The following PPP2R5E variants were observed in gnomAD, a reference collection of about 807,000 sequenced individuals.
The protein encoded by PPP2R5E is protein phosphatase 2 regulatory subunit B'epsilon.
A neutral mutation model predicts 65.3 loss-of-function variants in PPP2R5E; 4 were observed. The observed-to-expected ratio is 0.06, with a 90% CI of 0.03 to 0.14. PPP2R5E has a LOEUF of 0.14. Among genes scored for constraint, PPP2R5E ranks in the 10% least tolerant of loss-of-function variants. PPP2R5E has a pLI of 1.00. For missense variants in PPP2R5E, 274 were observed against 556.1 expected, an observed-to-expected ratio of 0.49 and a Z score of 5.10; for synonymous variants, 183 against 187.4, an observed-to-expected ratio of 0.98 and a Z score of 0.19.
chr14:63,438,873 G>A (rs1888066428), intron 3 of PPP2R5E, among the ~76,000 whole-genome samples: 1 of 151,982 alleles, frequency 6.6e-6, no homozygotes, highest in South Asian at 2.1e-4. Flanking sequence ...TAGAGTTGGG[G>A]ACGTGAATAT....
At chr14:63,511,773 A>G (rs1163383337) in intron 2 of PPP2R5E, among the ~76,000 whole-genome samples, 1 of 152,118 alleles carries the variant, frequency 6.6e-6, no homozygotes, top group Admixed American at 6.6e-5. Flanking sequence ...TCTCTGTGCA[A>G]AAAATTACCA....
At chr14:63,423,818 C>T (rs2144967) in intron 3 of PPP2R5E, among the ~76,000 whole-genome samples, 24,210 of 152,184 alleles carry the variant, frequency 0.16, 2,883 homozygotes, top group African/African-American at 0.34. Context: ...CAGATAAAAA[C>T]CCATGCCCTC....
chr14:63,519,508 T>A (rs1892800329), intron 2 of PPP2R5E, among the ~76,000 whole-genome samples: 1 of 53,782 alleles, frequency 1.9e-5, no homozygotes, highest in Non-Finnish European at 3.1e-5. Context: ...GCCCAGCTAA[T>A]TTTTTTTTTT....
intron 2 of PPP2R5E, among the ~76,000 whole-genome samples, chr14:63,497,609 A>G (rs1031692235): frequency 3.9e-5 from 6 of 152,102 alleles, no homozygotes; most frequent in African/African-American, 1.4e-4. Context: ...TTAGCCGGAC[A>G]TGGTGGCACA....
intron 2 of PPP2R5E, among the ~76,000 whole-genome samples, chr14:63,501,439 T>C (rs892910952): frequency 5.3e-5 from 8 of 150,908 alleles, no homozygotes; most frequent in Non-Finnish European, 1.0e-4. Context: ...TAATAAGATA[T>C]AATGATGGTG....
At chr14:63,422,185 T>C in intron 3 of PPP2R5E, 91 bp from the exon 4 acceptor site, 1 of 1,003,938 alleles carries the variant, frequency 1.0e-6, no homozygotes, top group Non-Finnish European at 1.6e-6. Flanking sequence ...GGAACCCAGA[T>C]AACAATGCAC....
chr14:63,396,405 G>C (rs1314324958), intron 6 of PPP2R5E, among the ~76,000 whole-genome samples, 181 bp downstream of exon 6: 1 of 120,434 alleles, frequency 8.3e-6, no homozygotes, highest in Non-Finnish European at 1.8e-5. Flanking sequence ...AGGAGAAGAT[G>C]GGGGAGGAGA....
chr14:63,380,176 T>C (rs1884259292), intron 13 of PPP2R5E, among the ~76,000 whole-genome samples: 1 of 152,114 alleles, frequency 6.6e-6, no homozygotes, highest in South Asian at 2.1e-4. Context: ...GATTTAATCC[T>C]GGTTCAACTA....
At chr14:63,465,609 C>T (rs1161191067) in intron 2 of PPP2R5E, among the ~76,000 whole-genome samples, 1 of 152,026 alleles carries the variant, frequency 6.6e-6, no homozygotes, top group Non-Finnish European at 1.5e-5. Flanking sequence ...CTCGGTGACA[C>T]GGTAAGACCC....
intron 5 of PPP2R5E, among the ~76,000 whole-genome samples, chr14:63,407,018 G>A (rs1366343097): frequency 6.6e-6 from 1 of 152,170 alleles, no homozygotes; most frequent in Non-Finnish European, 1.5e-5. Flanking sequence ...AAAAATATTA[G>A]TGACACCACC....
intron 2 of PPP2R5E, among the ~76,000 whole-genome samples, chr14:63,503,252 C>T (rs1485599987): frequency 6.6e-6 from 1 of 152,032 alleles, no homozygotes; most frequent in Non-Finnish European, 1.5e-5. Context: ...TCCTCTTGAG[C>T]TGAGCCCTAA....
At chr14:63,497,317 G>A (rs776138006) in intron 2 of PPP2R5E, among the ~76,000 whole-genome samples, 16 of 152,196 alleles carry the variant, frequency 1.1e-4, no homozygotes, top group Admixed American at 9.8e-4. Flanking sequence ...GACTGACTCC[G>A]TGGGATTTCA....
At chr14:63,531,058 TCA>T (rs1282085802) in intron 2 of PPP2R5E, among the ~76,000 whole-genome samples, 1 of 152,114 alleles carries the variant, frequency 6.6e-6, no homozygotes, top group Non-Finnish European at 1.5e-5. Flanking sequence ...GTACAATCTT[TCA>T]TAAATAAAAA....
intron 2 of PPP2R5E, among the ~76,000 whole-genome samples, chr14:63,538,380 T>A (rs1341316520): frequency 1.3e-5 from 2 of 151,788 alleles, no homozygotes; most frequent in Non-Finnish European, 2.9e-5. Flanking sequence ...CTGCCTCGGC[T>A]TCCCGAGTAG....
At chr14:63,461,474 T>C (rs184522463) in intron 2 of PPP2R5E, among the ~76,000 whole-genome samples, 4 of 152,082 alleles carry the variant, frequency 2.6e-5, no homozygotes, top group East Asian at 3.9e-4. Flanking sequence ...AGAACGATCA[T>C]AGAATAAAAG....
At chr14:63,422,570 C>G (rs1887087598) in intron 3 of PPP2R5E, among the ~76,000 whole-genome samples, 1 of 151,810 alleles carries the variant, frequency 6.6e-6, no homozygotes, top group African/African-American at 2.4e-5. Context: ...ACTAAAAACA[C>G]AAAAAATTAG....
At chr14:63,442,924 G>T (rs1390555232) in intron 3 of PPP2R5E, among the ~76,000 whole-genome samples, 2 of 152,108 alleles carry the variant, frequency 1.3e-5, no homozygotes, top group African/African-American at 4.8e-5. Flanking sequence ...TTAGATAGTT[G>T]TTCTTTTATT....
chr14:63,437,158 G>A (rs946099663), intron 3 of PPP2R5E, among the ~76,000 whole-genome samples: 2 of 152,162 alleles, frequency 1.3e-5, no homozygotes, highest in African/African-American at 4.8e-5. Context: ...CCATGGCAAT[G>A]TCAAGAAGTT....
chr14:63,498,808 A>G (rs1333262160), intron 2 of PPP2R5E, among the ~76,000 whole-genome samples: 1 of 152,088 alleles, frequency 6.6e-6, no homozygotes, highest in African/African-American at 2.4e-5. Flanking sequence ...GTTCATTTGG[A>G]TAATCAAATC....
Sources: allele counts gnomAD v4.1 joint callset (sites outside exome capture counted in the v4.1 genomes callset), GRCh38; gene constraint gnomAD v4.1.1; transcripts MANE v1.5; gene names NCBI Gene and HGNC (gene_info 2026-07-23, HGNC 2026-07-21).